Variants in RPS6KA2 observed in about 807,000 individuals in gnomAD.
RPS6KA2 encodes ribosomal protein S6 kinase alpha-2.
In RPS6KA2, 42 loss-of-function variants were observed where a neutral mutation model predicts 91.8. The observed-to-expected ratio is 0.46, with a 90% CI of 0.36 to 0.59. The LOEUF is 0.59. RPS6KA2 is among the 20% of genes least tolerant of loss of function. RPS6KA2 has a pLI of 0.00. For missense variants in RPS6KA2, 798 were observed against 978.5 expected (o/e 0.82, Z 2.46); for synonymous variants, 414 against 393.6 (o/e 1.05, Z -0.61).
intron 1 of RPS6KA2, among the ~76,000 whole-genome samples, chr6:166,580,316 C>A (rs1190184186): frequency 6.6e-6 from 1 of 152,202 alleles, no homozygotes. Flanking sequence ...ACCCACTGTG[C>A]CAACACACCC....
chr6:166,565,939 A>G (rs1784486257), intron 1 of RPS6KA2, among the ~76,000 whole-genome samples: 1 of 152,220 alleles, frequency 6.6e-6, no homozygotes, highest in African/African-American at 2.4e-5. Flanking sequence ...ATTTCTAACA[A>G]AACAAAAAGC....
Position 166,688,407 on chromosome 6 carries a change from G to A in RPS6KA2, c.124-149623C>T, listed in dbSNP as rs573836868. 1.8e-3 allele frequency among the ~76,000 whole-genome samples: 269 copies of A among 152,306 alleles called. 1 individual carries two copies. Among genetic ancestry groups the A allele is most frequent in the African/African-American group, 6.0e-3 (249 of 41,548 alleles). On this transcript the variant is annotated intron_variant, in intron 2 of 21. Transcript: ENST00000503859. ...GCCCCCTCTGCTCATCCCCGGCCTT[G>A]CCAGGGGCACATTTTTACCTCCAGT...
chr6:166,617,795 G>T (rs546092986), intron 1 of RPS6KA2, among the ~76,000 whole-genome samples: 34 of 152,344 alleles, frequency 2.2e-4, no homozygotes, highest in Admixed American at 7.2e-4. Context: ...CGCATGGCTC[G>T]GGGGCAACGG....
At chr6:166,745,701 C>T (rs550499864) in intron 2 of RPS6KA2, among the ~76,000 whole-genome samples, 7 of 152,234 alleles carry the variant, frequency 4.6e-5, no homozygotes, top group South Asian at 2.1e-4. Context: ...AGTGCCTGGG[C>T]GCTGCGGCAA....
chr6:166,795,824 G>C (rs1052161030), intron 2 of RPS6KA2, among the ~76,000 whole-genome samples: 3 of 152,200 alleles, frequency 2.0e-5, no homozygotes, highest in Non-Finnish European at 4.4e-5. Context: ...CTTGAGCCTG[G>C]ACTGCAGATG....
intron 1 of RPS6KA2, among the ~76,000 whole-genome samples, chr6:166,543,770 G>A (rs1180701969): frequency 6.6e-6 from 1 of 152,240 alleles, no homozygotes; most frequent in Non-Finnish European, 1.5e-5. Context: ...GCTGCTCCCA[G>A]AGGTCCAGTT....
intron 2 of RPS6KA2, among the ~76,000 whole-genome samples, chr6:166,681,732 C>G (rs1788823111): frequency 1.5e-5 from 2 of 132,962 alleles, no homozygotes; most frequent in Non-Finnish European, 3.2e-5. Flanking sequence ...TCTTGGTGGC[C>G]TGTCTCCCAG....
intron 2 of RPS6KA2, among the ~76,000 whole-genome samples, chr6:166,758,914 C>T (rs369523206): frequency 7.0e-4 from 107 of 152,316 alleles, no homozygotes; most frequent in Middle Eastern, 3.4e-3. Context: ...GAAGTGCAAT[C>T]GTCCTTTCTC....
chr6:166,562,985 C>T (rs1027787177), intron 1 of RPS6KA2, among the ~76,000 whole-genome samples: 4 of 152,156 alleles, frequency 2.6e-5, no homozygotes, highest in South Asian at 2.1e-4. Flanking sequence ...AGAAGGCGGC[C>T]GAGCCAGACC....
At chr6:166,577,671 T>G (rs1299849749) in intron 1 of RPS6KA2, among the ~76,000 whole-genome samples, 3 of 152,220 alleles carry the variant, frequency 2.0e-5, no homozygotes, top group Non-Finnish European at 2.9e-5. Context: ...GGCTCATAGA[T>G]GGAAGGGACT....
intron 15 of RPS6KA2, 123 bp downstream of exon 15, chr6:166,432,278 G>A: frequency 4.4e-6 from 3 of 675,770 alleles, no homozygotes; most frequent in South Asian, 3.6e-5. Flanking sequence ...GAGATATGTG[G>A]GTGGTGGAAA....
intron 2 of RPS6KA2, among the ~76,000 whole-genome samples, chr6:166,703,062 T>C (rs1789573736): frequency 6.6e-6 from 1 of 152,198 alleles, no homozygotes; most frequent in Non-Finnish European, 1.5e-5. Context: ...AGAAAAAGCC[T>C]AGCTACAACC....
At chr6:166,587,859 C>T (rs1004087589) in intron 1 of RPS6KA2, among the ~76,000 whole-genome samples, 5 of 152,126 alleles carry the variant, frequency 3.3e-5, no homozygotes, top group Non-Finnish European at 7.3e-5. Flanking sequence ...CGGGACTGTG[C>T]GCTCTCTGCC....
rs1790578197 is a variant in RPS6KA2 at position 166,733,098 on chromosome 6, A to T, written c.123+125102T>A. Among the ~76,000 whole-genome samples, 1 of 152,168 alleles carries T rather than the reference A, an allele frequency of 6.6e-6. No homozygotes were observed. The highest frequency in any genetic ancestry group is 2.4e-5 in the African/African-American group (1 of 41,426). On this transcript the variant is annotated intron_variant, in intron 2 of 21. Coordinates refer to the RPS6KA2 transcript ENST00000503859. This position sits in a 1 kb window ranked among gnomAD's most constrained non-coding sequence, Gnocchi z 4.1. ...GGGTGAGATGCTCTGCCCCCTGTGGATCGAGCCTACCCTGTACTCAGGGCC... is the reference window on the plus strand; with the variant it reads ...GGGTGAGATGCTCTGCCCCCTGTGGTTCGAGCCTACCCTGTACTCAGGGCC...
At position 166,508,417 on chromosome 6, in the gene RPS6KA2, T is replaced by C. The variant is rs1365193877; in HGVS notation, c.380-135A>G. The stretch of plus-strand genomic sequence containing the variant: ...ACTTGAGAAACGGCAGGACCCCGGC[T>C]GGTGACCAGCTCAGAGGGGCAGCAC... On this transcript the variant is annotated intron_variant, in intron 4 of 20. Coordinates refer to ENST00000265678, the MANE Select transcript of RPS6KA2 (RefSeq NM_021135.6). The surrounding 1 kb of genome is among the most constrained non-coding windows in gnomAD (Gnocchi z 4.3). 3.2e-6 allele frequency: 2 copies of C among 631,996 alleles called. No individual in the cohort carries two copies. Among genetic ancestry groups the C allele is most frequent in the Non-Finnish European group, 5.7e-6 (2 of 349,338 alleles). The allele number at this position is 631,996 out of a possible 1,614,324, so 39.1% of individuals were successfully genotyped here.
At chr6:166,479,901 T>C (rs907991433) in intron 10 of RPS6KA2, among the ~76,000 whole-genome samples, 39 of 152,166 alleles carry the variant, frequency 2.6e-4, no homozygotes, top group African/African-American at 8.9e-4. Flanking sequence ...AACACTTCTT[T>C]TTTTAACTTA....
chr6:166,430,635 C>T (rs375513178), intron 15 of RPS6KA2, 24 bp from the exon 16 acceptor site: 3 of 1,596,384 alleles, frequency 1.9e-6, no homozygotes, highest in East Asian at 2.3e-5. Flanking sequence ...AAGGGGCGCA[C>T]ACGTCACCAC....
chr6:166,475,478 C>A (rs1416503094), intron 10 of RPS6KA2, among the ~76,000 whole-genome samples: 2 of 152,162 alleles, frequency 1.3e-5, no homozygotes, highest in Non-Finnish European at 2.9e-5. Flanking sequence ...GTTTCTTGGG[C>A]CCAGAAGGCC....
intron 2 of RPS6KA2, among the ~76,000 whole-genome samples, chr6:166,688,153 G>A (rs545007882): frequency 5.9e-5 from 9 of 152,304 alleles, no homozygotes; most frequent in Admixed American, 2.0e-4. Context: ...TCTGGAAGGC[G>A]AAGGAGCTGG....
Sources: allele counts gnomAD v4.1 joint callset (sites outside exome capture counted in the v4.1 genomes callset), GRCh38; gene constraint gnomAD v4.1.1; non-coding constraint Gnocchi (gnomAD v3.1); transcripts MANE v1.5; gene names NCBI Gene and HGNC (gene_info 2026-07-23, HGNC 2026-07-21).